The following SPTB variants were observed in gnomAD, a reference collection of about 807,000 sequenced individuals.
The protein encoded by SPTB is spectrin beta chain, erythrocytic.
SPTB carries 45 observed loss-of-function variants against 256.2 expected under a neutral mutation model. The ratio of observed to expected loss-of-function variants is 0.18; its 90% CI spans 0.14 to 0.23. The LOEUF is 0.23. Ranked by LOEUF, SPTB falls within the 10% of genes least tolerant of loss-of-function variation. The probability of loss-of-function intolerance (pLI) is 1.00; values close to 1 mark genes in which losing one functional copy is unlikely to be tolerated. For synonymous variants in SPTB, 1,231 were observed against 1,243.1 expected, an observed-to-expected ratio of 0.99 and a Z score of 0.21; for missense variants, 2,715 against 3,040.4, an observed-to-expected ratio of 0.89 and a Z score of 2.52.
Position 64,772,648 on chromosome 14 carries a change from T to G in SPTB, c.5485A>C (p.Ser1829Arg), listed in dbSNP as rs2082294866. 3 of 1,613,262 alleles carry G rather than the reference T, an allele frequency of 1.9e-6. No individual in the cohort carries two copies. The highest frequency in any genetic ancestry group is 2.5e-6 in the Non-Finnish European group (3 of 1,179,804). Residue 1829 changes from serine (S) to arginine (R), a missense_variant, in exon 26 of 36, where the codon AGC (serine) becomes CGC (arginine). This residue lies in a region of SPTB where 2,239 missense variants were observed against 2,384.4 expected (regional missense o/e 0.94). Transcript: ENST00000644917. The surrounding 1 kb of genome is among the most constrained non-coding windows in gnomAD (Gnocchi z 5.4). ...ACCCGGTGGAAGGACTCGGCCGTGC[T>G]GGCGTCCAGCCCCACGTCCTCGGGC... ...ELPEDVGLDA[S>R]TAESFHRVHT... is the part of the protein sequence containing the mutation.
At chr14:64,818,328 G>A (rs993503019) in intron 2 of SPTB, among the ~76,000 whole-genome samples, 18 of 152,258 alleles carry the variant, frequency 1.2e-4, no homozygotes, top group African/African-American at 4.3e-4. Context: ...GTGAGCCGAG[G>A]AGCTGTAAAA....
At position 64,763,699 on chromosome 14, in the gene SPTB, G is replaced by A. The variant is rs2082124927; in HGVS notation, c.6345+3027C>T. The A allele has an allele frequency of 2.9e-5, 15 of 517,078 alleles. 1 individual carries two copies. In the Admixed American group the frequency reaches 2.9e-4, roughly 10 times the overall value. 32.0% of individuals were successfully genotyped at this position (517,078 alleles called of 1,614,324 possible). A position where few individuals can be genotyped will look rare whatever the true frequency, so the allele number is the denominator to read the frequency against. On this transcript the variant is annotated intron_variant, in intron 32 of 35. Transcript: ENST00000644917. ...CCCAGATGTCCTGACTTCCCCTCCA[G>A]CAGTTTTGTCTTTCGTGAGTGAGGT...
In SPTB at chr14:64,786,272, TC is replaced by T. The variant is rs2082566140; in HGVS notation, c.3561+131del. The T allele has an allele frequency of 1.0e-5, 13 of 1,304,124 alleles. No individual in the cohort carries two copies. The Admixed American group carries it at 2.2e-4, about 22-fold the overall frequency. 80.8% of individuals were successfully genotyped at this position (1,304,124 alleles called of 1,614,324 possible). The stretch of plus-strand genomic sequence containing the variant: ...AGGCCCCTAATGAGAAACAAAGATT[TC>T]CCCCATGAGTGAATACAGAGTACAA... On this transcript the variant is annotated intron_variant, in intron 16 of 35. Transcript: ENST00000644917. This position sits in a 1 kb window ranked among gnomAD's most constrained non-coding sequence, Gnocchi z 5.6.
chr14:64,763,972 G>A (rs1340366044), intron 32 of SPTB: 1 of 488,774 alleles, frequency 2.0e-6, no homozygotes, highest in African/African-American at 1.9e-5. Context: ...AGGAGCAGGG[G>A]TGCCTGGTCC....
chr14:64,829,301 A>G (rs1330894102), intron 1 of SPTB, among the ~76,000 whole-genome samples: 1 of 152,246 alleles, frequency 6.6e-6, no homozygotes, highest in Admixed American at 6.5e-5. Flanking sequence ...AGCTTCTTCA[A>G]CAAGTTAGAG....
At chr14:64,788,038 C>G (rs2082604305) in intron 15 of SPTB, among the ~76,000 whole-genome samples, 1 of 152,202 alleles carries the variant, frequency 6.6e-6, no homozygotes, top group Non-Finnish European at 1.5e-5. Flanking sequence ...CAGACCATGC[C>G]CTGTGGGGTG....
rs748553498 is a variant in SPTB, at chr14:64,753,797, C to A, written c.6346-4G>T. 19 of 1,612,440 alleles carry A rather than the reference C, an allele frequency of 1.2e-5. No homozygotes were observed. Among genetic ancestry groups the A allele is most frequent in the Non-Finnish European group, 1.3e-5 (15 of 1,180,012 alleles). On this transcript the variant is annotated splice_polypyrimidine_tract_variant and splice_region_variant and intron_variant, in intron 32 of 35. Transcript: ENST00000644917. The stretch of plus-strand genomic sequence containing the variant: ...GCCACGTTCCCTCTTCTTCCCCCTG[C>A]TCAGGGCATAGGGAGGAGCACACCT...
In SPTB at chr14:64,802,416, C is replaced by A; in HGVS notation, c.475-99G>T. On this transcript the variant is annotated intron_variant, in intron 4 of 35. Coordinates refer to ENST00000644917, the MANE Select transcript of SPTB (RefSeq NM_001355436.2). The surrounding 1 kb of genome is among the most constrained non-coding windows in gnomAD (Gnocchi z 5.1). ...GGCTCCCTCCCTCATCCCCCCTTCA[C>A]TTAACACTAATTCATCCTTTAAGAG... The A allele has an allele frequency of 9.1e-7, 1 of 1,103,798 alleles. No individual in the cohort carries two copies. The allele number at this position is 1,103,798 out of a possible 1,614,324, so 68.4% of individuals were successfully genotyped here. A position where few individuals can be genotyped will look rare whatever the true frequency, so the allele number is the denominator to read the frequency against.
chr14:64,865,497 G>GA (rs1374469153), intron 1 of SPTB, among the ~76,000 whole-genome samples: 2 of 152,106 alleles, frequency 1.3e-5, no homozygotes, highest in Non-Finnish European at 2.9e-5. Context: ...GCTTCACCTT[G>GA]AAGATGCGTT....
At chr14:64,858,816 T>C (rs956566712) in intron 1 of SPTB, among the ~76,000 whole-genome samples, 1 of 152,166 alleles carries the variant, frequency 6.6e-6, no homozygotes, top group Admixed American at 6.5e-5. Flanking sequence ...CAGCCTTCCC[T>C]TTCCTCAGTA....
intron 1 of SPTB, among the ~76,000 whole-genome samples, chr14:64,833,581 C>T (rs973119286): frequency 2.0e-5 from 3 of 151,722 alleles, no homozygotes; most frequent in African/African-American, 7.3e-5. Flanking sequence ...AAACCTCCCA[C>T]GTCTACCACC....
rs1304911203 is a variant in SPTB, at chr14:64,758,411, C to T, written c.6346-4618G>A. 3.3e-5 allele frequency among the ~76,000 whole-genome samples: 5 copies of T among 152,226 alleles called. No homozygotes were observed. Among genetic ancestry groups the T allele is most frequent in the Non-Finnish European group, 7.3e-5 (5 of 68,034 alleles). ...TAAGCAGTGCAGGAGGGCCTGAGGC[C>T]CCACCCCTTTAGGGTAGTGCAGAAG... On this transcript the variant is annotated intron_variant, in intron 32 of 35. Coordinates refer to ENST00000644917, the MANE Select transcript of SPTB (RefSeq NM_001355436.2). The surrounding 1 kb of genome is among the most constrained non-coding windows in gnomAD (Gnocchi z 4.6).
rs141953610 is a variant in SPTB at position 64,753,922 on chromosome 14, C to T, written c.6346-129G>A. The T allele has an allele frequency of 3.8e-4, 481 of 1,259,428 alleles. 1 individual carries two copies. The African/African-American group carries it at 6.4e-3, about 17-fold the overall frequency. 78.0% of individuals were successfully genotyped at this position (1,259,428 alleles called of 1,614,324 possible). A position where few individuals can be genotyped will look rare whatever the true frequency, so the allele number is the denominator to read the frequency against. Reference sequence around the variant, plus strand: ...CAAGCCTACTTCCTTTCTACTCCCACCTCCTGGCCCACCCTGGCTCTCCCA... The same window carrying T: ...CAAGCCTACTTCCTTTCTACTCCCATCTCCTGGCCCACCCTGGCTCTCCCA... On this transcript the variant is annotated intron_variant, in intron 32 of 35. Coordinates refer to ENST00000644917, the MANE Select transcript of SPTB (RefSeq NM_001355436.2).
rs1037575862 is a variant in SPTB, at chr14:64,759,413, G to A, written c.6346-5620C>T. 2.6e-5 allele frequency among the ~76,000 whole-genome samples: 4 copies of A among 152,314 alleles called. No homozygotes were observed. The highest frequency in any genetic ancestry group is 1.9e-4 in the East Asian group (1 of 5,180). On this transcript the variant is annotated intron_variant, in intron 32 of 35. Transcript: ENST00000644917. The surrounding 1 kb of genome is among the most constrained non-coding windows in gnomAD (Gnocchi z 4.8). ...GCTGAACCATCCACCCATGCCAACC[G>A]TGGGCCCTGGGTCAGGCTAGCAGCA...
rs138841945 is a variant in SPTB, at chr14:64,800,859, G to A, written c.773C>T (p.Thr258Met). 344 of 1,613,490 alleles carry A rather than the reference G, an allele frequency of 2.1e-4. No individual in the cohort carries two copies. The highest frequency in any genetic ancestry group is 2.1e-4 in the Non-Finnish European group (248 of 1,179,654). The change falls in exon 8 of 36, where the codon ACG becomes ATG. Residue 258 changes from threonine to methionine, a missense_variant. This residue lies in a region of SPTB where 416 missense variants were observed against 571.1 expected (regional missense o/e 0.73). Coordinates refer to ENST00000644917, the MANE Select transcript of SPTB (RefSeq NM_001355436.2). Reference sequence around the variant, plus strand: ...GATGGATTTCTCATCAGGGTTTTCCGTAAAGACATCTGTTAGGGAAAAGGG... The same window carrying A: ...GATGGATTTCTCATCAGGGTTTTCCATAAAGACATCTGTTAGGGAAAAGGG... ...IPLLDPEDVF[T>M]ENPDEKSIIT...
intron 1 of SPTB, among the ~76,000 whole-genome samples, chr14:64,858,377 T>C (rs550859314): frequency 2.0e-5 from 3 of 152,164 alleles, no homozygotes; most frequent in South Asian, 4.2e-4. Flanking sequence ...TTTGCAGAGA[T>C]GATAGGTGAA....
chr14:64,803,610 G>A lies in SPTB; in HGVS notation c.471C>T (p.Phe157=), dbSNP rs267604025. The A allele has an allele frequency of 1.9e-6, 3 of 1,614,150 alleles. No homozygotes were observed. The highest frequency in any genetic ancestry group is 2.5e-6 in the Non-Finnish European group (3 of 1,180,032). Reference sequence around the variant, plus strand: ...CCTCTACCCCCCAGGAACCCACCTGGAAGCGGAGGATGATGGTCCAGATGA... The same window carrying A: ...CCTCTACCCCCCAGGAACCCACCTGAAAGCGGAGGATGATGGTCCAGATGA... ...LGLIWTIILR[F]QIQDIVVQTQ... Residue 157 remains phenylalanine (F), a synonymous_variant, in exon 4 of 36, where the codon TTC becomes TTT. Transcript: ENST00000644917.
Position 64,873,119 on chromosome 14 carries a change from A to C in SPTB, c.-52+6673T>G, listed in dbSNP as rs1882635760. On this transcript the variant is annotated intron_variant, in intron 1 of 35. Coordinates refer to ENST00000644917, the MANE Select transcript of SPTB (RefSeq NM_001355436.2). The surrounding 1 kb of genome is among the most constrained non-coding windows in gnomAD (Gnocchi z 4.3). Reference sequence around the variant, plus strand: ...AGCCCCATCAGATAGTGTTTTCCCAACCACCCTACCTGAAATAGTAGAACC... The same window carrying C: ...AGCCCCATCAGATAGTGTTTTCCCACCCACCCTACCTGAAATAGTAGAACC... Among the ~76,000 whole-genome samples the C allele has an allele frequency of 6.6e-6, 1 of 152,032 alleles. No individual in the cohort carries two copies. Among genetic ancestry groups the C allele is most frequent in the South Asian group, 2.1e-4 (1 of 4,824 alleles).
chr14:64,788,498 A>AC (rs2082613741), intron 15 of SPTB, among the ~76,000 whole-genome samples: 1 of 151,866 alleles, frequency 6.6e-6, no homozygotes, highest in Non-Finnish European at 1.5e-5. Flanking sequence ...GACCATGAAG[A>AC]CCCCGTGCTC....
Sources: gnomAD v4.1 joint callset for allele counts (sites outside exome capture counted in the v4.1 genomes callset) on GRCh38, gnomAD v4.1.1 for gene constraint, gnomAD v4.1.1 regional missense constraint, Gnocchi (gnomAD v3.1) non-coding constraint, MANE v1.5 for transcripts, NCBI Gene and HGNC (gene_info 2026-07-23, HGNC 2026-07-21) for gene names.